The following KIZ variants were observed in gnomAD, a reference collection of about 807,000 sequenced individuals.
KIZ encodes centrosomal protein kizuna.
A neutral mutation model predicts 79.6 loss-of-function variants in KIZ; 68 were observed. That is an observed-to-expected ratio of 0.85 (90% CI 0.70 to 1.05). KIZ has a LOEUF of 1.05. Ranked by LOEUF, KIZ falls within the 50% of genes least tolerant of loss-of-function variation. The probability of loss-of-function intolerance (pLI) is 0.00; values close to 1 mark genes in which losing one functional copy is unlikely to be tolerated. For synonymous variants in KIZ, 280 were observed against 281.8 expected (o/e 0.99, Z 0.06); for missense variants, 797 against 800.4 (o/e 1.00, Z 0.05).
At chr20:21,204,507 A>C (rs924351494) in intron 6 of KIZ, among the ~76,000 whole-genome samples, 15 of 152,060 alleles carry the variant, frequency 9.9e-5, no homozygotes, top group Non-Finnish European at 1.6e-4. Context: ...AAGGATTTTC[A>C]TGTATTCCCT....
rs189191218 is a variant in KIZ, at chr20:21,149,984, C to T, written c.405+4330C>T. Among the ~76,000 whole-genome samples, 161 of 152,264 alleles carry T rather than the reference C, an allele frequency of 1.1e-3. 1 individual carries two copies. Among genetic ancestry groups the T allele is most frequent in the Non-Finnish European group, 1.9e-3 (129 of 68,014 alleles). The stretch of plus-strand genomic sequence containing the variant: ...GGAAGATGGCATGGGGAAGGGAAAG[C>T]GGGCTGTAAGAGTGTGTGATTGAGT... On this transcript the variant is annotated intron_variant, in intron 4 of 12. Coordinates refer to ENST00000619189, the MANE Select transcript of KIZ (RefSeq NM_018474.6).
intron 7 of KIZ, among the ~76,000 whole-genome samples, chr20:21,212,457 G>A (rs963606718): frequency 1.3e-5 from 2 of 152,168 alleles, no homozygotes; most frequent in African/African-American, 4.8e-5. Flanking sequence ...TATAAAATAG[G>A]CTTAGTGTTA....
chr20:21,156,019 G>A (rs943547835), intron 4 of KIZ, among the ~76,000 whole-genome samples: 12 of 152,176 alleles, frequency 7.9e-5, no homozygotes, highest in Admixed American at 2.0e-4. Context: ...AGCCACCAGC[G>A]GTGTGACAGC....
rs769530569 is a variant in KIZ, at chr20:21,136,541, C to CAAAAA, written c.305_309dup (p.Leu104LysfsTer3). The CAAAAA allele has an allele frequency of 1.9e-6, 3 of 1,552,326 alleles. No homozygotes were observed. The South Asian group carries it at 3.7e-5, about 19-fold the overall frequency. ...CTTCACCACAAATACAGAGAAGCTT[C>CAAAAA]AAAAACTGAAGGTGACTTCCTGTTT... On this transcript the variant is annotated frameshift_variant, in exon 3 of 13. Transcript: ENST00000619189. LOFTEE classifies it high-confidence loss of function.
In KIZ at chr20:21,162,431, G is replaced by A. The variant is rs2033719918; in HGVS notation, c.966G>A (p.Pro322=). Residue 322 remains proline (P), a synonymous_variant, in exon 5 of 13, where the codon CCG becomes CCA. Coordinates refer to ENST00000619189, the MANE Select transcript of KIZ (RefSeq NM_018474.6). The part of the protein sequence containing the change: ...EEKRASPPVS[P]IPVSEYCESE... ...AAAGAGCCAGCCCGCCAGTCTCTCC[G>A]ATACCAGTTTCAGAATACTGTGAAT... 6 of 1,612,772 alleles carry A rather than the reference G, an allele frequency of 3.7e-6. No individual in the cohort carries two copies. Among genetic ancestry groups the A allele is most frequent in the South Asian group, 1.1e-5 (1 of 91,008 alleles).
intron 6 of KIZ, among the ~76,000 whole-genome samples, chr20:21,167,253 A>G (rs1422990846): frequency 6.6e-6 from 1 of 152,232 alleles, no homozygotes; most frequent in Non-Finnish European, 1.5e-5. Context: ...CAGTTGAAGA[A>G]TTGGAAGCAA....
chr20:21,136,557 C>A lies in KIZ; in HGVS notation c.315+5C>A, dbSNP rs1422046757. 3.3e-6 allele frequency: 5 copies of A among 1,532,452 alleles called. No homozygotes were observed. The highest frequency in any genetic ancestry group is 4.4e-6 in the Non-Finnish European group (5 of 1,141,470). The allele number at this position is 1,532,452 out of a possible 1,614,324, so 94.9% of individuals were successfully genotyped here. ...GAGAAGCTTCAAAAACTGAAGGTGA[C>A]TTCCTGTTTTTTACTGTGTTTTATT... On this transcript the variant is annotated splice_donor_5th_base_variant and intron_variant, in intron 3 of 12. Coordinates refer to ENST00000619189, the MANE Select transcript of KIZ (RefSeq NM_018474.6).
At chr20:21,141,819 A>ACT (rs772824213) in intron 3 of KIZ, among the ~76,000 whole-genome samples, 5 of 142,394 alleles carry the variant, frequency 3.5e-5, no homozygotes, top group Admixed American at 6.9e-5. Flanking sequence ...ACACACACAC[A>ACT]CACACTCTCT....
intron 5 of KIZ, 32 bp downstream of exon 5, chr20:21,162,539 T>C: frequency 5.1e-6 from 8 of 1,565,760 alleles, no homozygotes; most frequent in Non-Finnish European, 7.0e-6. Flanking sequence ...GGTTGCTGAT[T>C]TTTCTGGGTG....
At chr20:21,244,160 C>T in intron 11 of KIZ, 85 bp from the exon 12 acceptor site, 2 of 930,740 alleles carry the variant, frequency 2.1e-6, no homozygotes, top group Non-Finnish European at 3.5e-6. Context: ...AATCAAAGTG[C>T]TTCTTCTCTA....
At chr20:21,191,852 A>G (rs1377006644) in intron 6 of KIZ, among the ~76,000 whole-genome samples, 1 of 151,806 alleles carries the variant, frequency 6.6e-6, no homozygotes, top group Non-Finnish European at 1.5e-5. Context: ...AGAAAGAAAA[A>G]AAAAAAAAGC....
chr20:21,159,285 G>T (rs2033544355), intron 4 of KIZ, among the ~76,000 whole-genome samples: 1 of 151,996 alleles, frequency 6.6e-6, no homozygotes, highest in South Asian at 2.1e-4. Flanking sequence ...TCAGGGCCGG[G>T]AACTCTTCCT....
chr20:21,172,645 G>T (rs1413961244), intron 6 of KIZ, among the ~76,000 whole-genome samples: 1 of 152,058 alleles, frequency 6.6e-6, no homozygotes, highest in East Asian at 1.9e-4. Flanking sequence ...TAAGTAGATA[G>T]AGAAGGCATG....
At chr20:21,144,376 G>T (rs2032736224) in intron 3 of KIZ, among the ~76,000 whole-genome samples, 1 of 152,122 alleles carries the variant, frequency 6.6e-6, no homozygotes, top group African/African-American at 2.4e-5. Flanking sequence ...ATCTGTAAAG[G>T]ATGCCTGTTT....
chr20:21,152,115 C>G (rs2033150783), intron 4 of KIZ, among the ~76,000 whole-genome samples: 1 of 152,106 alleles, frequency 6.6e-6, no homozygotes, highest in Non-Finnish European at 1.5e-5. Context: ...CCAAACCTTA[C>G]CAGCAAGGAA....
chr20:21,215,644 C>T lies in KIZ; in HGVS notation c.1674C>T (p.Ile558=). The T allele has an allele frequency of 6.3e-7, 1 of 1,597,458 alleles. No individual in the cohort carries two copies. Among genetic ancestry groups the T allele is most frequent in the East Asian group, 2.2e-5 (1 of 44,724 alleles). The part of the protein sequence containing the change: ...KKENVAADIP[I]TETEAYQLLK... ...AAAATGTGGCTGCAGATATCCCAAT[C>T]ACAGGTAAAGCTATGGTTGCCTAAG... The change falls in exon 9 of 13, where the codon ATC becomes ATT. Residue 558 remains isoleucine (I), a synonymous_variant. Transcript: ENST00000619189.
chr20:21,227,622 C>T (rs186870472), intron 9 of KIZ, among the ~76,000 whole-genome samples: 2 of 152,202 alleles, frequency 1.3e-5, no homozygotes, highest in African/African-American at 4.8e-5. Flanking sequence ...TTAATATTAT[C>T]CCTCTTTCAC....
At chr20:21,167,256 G>A (rs17736453) in intron 6 of KIZ, among the ~76,000 whole-genome samples, 1,617 of 152,288 alleles carry the variant, frequency 0.011, 16 homozygotes, top group Middle Eastern at 0.02. Flanking sequence ...TTGAAGAATT[G>A]GAAGCAAGGA....
intron 11 of KIZ, among the ~76,000 whole-genome samples, chr20:21,240,715 C>G (rs61139213): frequency 0.58 from 87,342 of 151,812 alleles, 27,021 homozygotes; most frequent in South Asian, 0.78. Flanking sequence ...CCATACGGCC[C>G]GCAAGCTAAG....
Sources: allele counts gnomAD v4.1 joint callset (sites outside exome capture counted in the v4.1 genomes callset), GRCh38; gene constraint gnomAD v4.1.1; transcripts MANE v1.5; gene names NCBI Gene and HGNC (gene_info 2026-07-23, HGNC 2026-07-21).